The following FAM3D variants were observed in gnomAD, a reference collection of about 807,000 sequenced individuals.
FAM3D encodes the protein protein FAM3D.
FAM3D carries 26 observed loss-of-function variants against 29.8 expected under a neutral mutation model. That is an observed-to-expected ratio of 0.87 (90% CI 0.64 to 1.21). The LOEUF (loss-of-function observed/expected upper bound fraction) is 1.21, where lower values mean the gene tolerates loss of function less well. Among genes scored for constraint, FAM3D ranks in the 50% most tolerant of loss-of-function variants. The pLI, the probability that FAM3D is intolerant of heterozygous loss-of-function variation, is 0.00. For synonymous variants in FAM3D, 115 were observed against 102.3 expected (o/e 1.12, Z -0.75); for missense variants, 253 against 290.9 (o/e 0.87, Z 0.95).
chr3:58,639,981 A>C, intron 7 of FAM3D, 146 bp downstream of exon 7: 1 of 797,874 alleles, frequency 1.3e-6, no homozygotes, highest in Non-Finnish European at 2.1e-6. Flanking sequence ...GGACACCCTC[A>C]ACCCCCCACC....
At chr3:58,647,777 G>A (rs113236346) in intron 4 of FAM3D, among the ~76,000 whole-genome samples, 155 of 152,266 alleles carry the variant, frequency 1.0e-3, no homozygotes, top group African/African-American at 3.6e-3. Context: ...CAACCCCCCC[G>A]GGAACCCTTG....
intron 3 of FAM3D, 25 bp downstream of exon 3, chr3:58,653,649 G>T (rs1559505394): frequency 1.2e-6 from 2 of 1,603,266 alleles, no homozygotes; most frequent in African/African-American, 1.3e-5. Flanking sequence ...TGCAGTTCCT[G>T]CCCCCAGCAG....
intron 1 of FAM3D, among the ~76,000 whole-genome samples, chr3:58,663,042 G>T (rs2066962603): frequency 6.6e-6 from 1 of 152,202 alleles, no homozygotes; most frequent in Non-Finnish European, 1.5e-5. Context: ...GGGACTACAG[G>T]CATCCGCCCC....
rs1009501015 is a variant in FAM3D, at chr3:58,635,965, C to T, written c.585+329G>A. On this transcript the variant is annotated intron_variant, in intron 9 of 9. Transcript: ENST00000358781. The surrounding 1 kb of genome is among the most constrained non-coding windows in gnomAD (Gnocchi z 5.2). The stretch of plus-strand genomic sequence containing the variant: ...CTCCTTTCCCCGGGATCCCCTTCCC[C>T]GCCACACAGCTCCATGTCTCCATTT... Among the ~76,000 whole-genome samples, 51 of 152,232 alleles carry T rather than the reference C, an allele frequency of 3.4e-4. No individual in the cohort carries two copies. The highest frequency in any genetic ancestry group is 1.1e-3 in the African/African-American group (47 of 41,472).
At position 58,649,554 on chromosome 3, in the gene FAM3D, CACAT is replaced by C. The variant is rs1333108948; in HGVS notation, c.122-220_122-217del. ...ATACACATGTGTACACACACGCACA[CACAT>C]ATACACATGCACACACACACACATG... On this transcript the variant is annotated intron_variant, in intron 3 of 9. Coordinates refer to ENST00000358781, the MANE Select transcript of FAM3D (RefSeq NM_138805.3). 12 of 590,996 alleles carry C rather than the reference CACAT, an allele frequency of 2.0e-5. No homozygotes were observed. In the African/African-American group the frequency reaches 2.0e-4, roughly 10 times the overall value. The allele number at this position is 590,996 out of a possible 1,614,324, so 36.6% of individuals were successfully genotyped here. A position where few individuals can be genotyped will look rare whatever the true frequency, so the allele number is the denominator to read the frequency against.
In FAM3D at chr3:58,655,786, C is replaced by T. The variant is rs368758954; in HGVS notation, c.-38-185G>A. Among the ~76,000 whole-genome samples the T allele has an allele frequency of 2.0e-4, 30 of 152,354 alleles. No homozygotes were observed. The South Asian group carries it at 5.2e-3, about 26-fold the overall frequency. Reference sequence around the variant, plus strand: ...CCTGTCTGCCTCCATGTCTCCTTCACTCTTGCCCCTGGAGTTTTATATTCA... The same window carrying T: ...CCTGTCTGCCTCCATGTCTCCTTCATTCTTGCCCCTGGAGTTTTATATTCA... On this transcript the variant is annotated intron_variant, in intron 1 of 9. Transcript: ENST00000358781.
At chr3:58,649,448 G>A (rs755098964) in intron 3 of FAM3D, 110 bp from the exon 4 acceptor site, 24 of 1,340,200 alleles carry the variant, frequency 1.8e-5, no homozygotes, top group Admixed American at 4.0e-5. Context: ...TTAAATTGGC[G>A]CCATTGAAAT....
At chr3:58,644,106 G>T (rs374995034) in intron 5 of FAM3D, among the ~76,000 whole-genome samples, 1 of 152,172 alleles carries the variant, frequency 6.6e-6, no homozygotes, top group African/African-American at 2.4e-5. Context: ...CTGCTGGCCC[G>T]GCATCCACAC....
chr3:58,662,797 C>A (rs186537056), intron 1 of FAM3D, among the ~76,000 whole-genome samples: 5 of 152,338 alleles, frequency 3.3e-5, no homozygotes, highest in Admixed American at 2.6e-4. Flanking sequence ...AGGGGTGACT[C>A]TGTGGTCCTG....
chr3:58,664,304 G>A lies in FAM3D; in HGVS notation c.-39+2272C>T, dbSNP rs115204877. Reference sequence around the variant, plus strand: ...TGGGACTGCTGTTTGTACTGATTACGTAGAACTTGTTCACATCTCTTGTAC... The same window carrying A: ...TGGGACTGCTGTTTGTACTGATTACATAGAACTTGTTCACATCTCTTGTAC... On this transcript the variant is annotated intron_variant, in intron 1 of 9. Coordinates refer to ENST00000358781, the MANE Select transcript of FAM3D (RefSeq NM_138805.3). Among the ~76,000 whole-genome samples the A allele has an allele frequency of 3.7e-3, 571 of 152,312 alleles. 8 individuals carry two copies. Among genetic ancestry groups the A allele is most frequent in the African/African-American group, 0.013 (525 of 41,574 alleles).
intron 1 of FAM3D, among the ~76,000 whole-genome samples, chr3:58,663,354 C>T (rs2066968568): frequency 6.6e-6 from 1 of 152,222 alleles, no homozygotes; most frequent in African/African-American, 2.4e-5. Flanking sequence ...GGAGAAAAGG[C>T]TCCCAGAGAT....
chr3:58,652,823 A>G (rs1456001355), intron 3 of FAM3D, among the ~76,000 whole-genome samples: 1 of 150,996 alleles, frequency 6.6e-6, no homozygotes, highest in African/African-American at 2.4e-5. Flanking sequence ...CCACCCACTC[A>G]GCCATTCTTC....
Position 58,647,850 on chromosome 3 carries a change from G to C in FAM3D, c.145+1465C>G, listed in dbSNP as rs552164883. 7.9e-4 allele frequency among the ~76,000 whole-genome samples: 121 copies of C among 152,316 alleles called. 1 individual carries two copies. The highest frequency in any genetic ancestry group is 2.7e-3 in the Admixed American group (42 of 15,302). On this transcript the variant is annotated intron_variant, in intron 4 of 9. Coordinates refer to ENST00000358781, the MANE Select transcript of FAM3D (RefSeq NM_138805.3). ...GAGCACTGGGGCAGGGATTCATTCAGGAAATAGGCTGCTCTTTCATTAATC... is the reference window on the plus strand; with the variant it reads ...GAGCACTGGGGCAGGGATTCATTCACGAAATAGGCTGCTCTTTCATTAATC...
At position 58,634,103 on chromosome 3, in the gene FAM3D, T is replaced by A; in HGVS notation, c.*176A>T. On this transcript the variant is annotated 3_prime_UTR_variant, in exon 10 of 10. Transcript: ENST00000358781. This position sits in a 1 kb window ranked among gnomAD's most constrained non-coding sequence, Gnocchi z 4.6. ...TCTGAGGCTGGTCTTCCGGGTAGGATGTGCTGTGGGAGGGTTCTGTTTCCG... is the reference window on the plus strand; with the variant it reads ...TCTGAGGCTGGTCTTCCGGGTAGGAAGTGCTGTGGGAGGGTTCTGTTTCCG... 1 of 570,906 alleles carries A rather than the reference T, an allele frequency of 1.8e-6. No homozygotes were observed. 35.4% of individuals were successfully genotyped at this position (570,906 alleles called of 1,614,324 possible). A position where few individuals can be genotyped will look rare whatever the true frequency, so the allele number is the denominator to read the frequency against.
intron 1 of FAM3D, among the ~76,000 whole-genome samples, chr3:58,665,700 C>T (rs2067016590): frequency 6.6e-6 from 1 of 152,186 alleles, no homozygotes; most frequent in Non-Finnish European, 1.5e-5. Context: ...AGCTTTGCAG[C>T]CAGATTGCCT....
intron 1 of FAM3D, among the ~76,000 whole-genome samples, chr3:58,656,931 G>A (rs11708366): frequency 0.39 from 59,345 of 151,802 alleles, 12,638 homozygotes; most frequent in Middle Eastern, 0.51. Context: ...AACAGCAGCA[G>A]CAACTGCAAA....
At chr3:58,648,672 C>G (rs563418767) in intron 4 of FAM3D, among the ~76,000 whole-genome samples, 1 of 152,330 alleles carries the variant, frequency 6.6e-6, no homozygotes, top group East Asian at 1.9e-4. Flanking sequence ...TCACAGCTCT[C>G]CCTCCCCTTC....
intron 3 of FAM3D, among the ~76,000 whole-genome samples, chr3:58,649,933 C>A (rs1175977776): frequency 6.6e-6 from 1 of 152,242 alleles, no homozygotes; most frequent in East Asian, 1.9e-4. Flanking sequence ...GTGTGAGGGC[C>A]AAGCCCGGTG....
chr3:58,655,923 G>C (rs1379855266), intron 1 of FAM3D, among the ~76,000 whole-genome samples: 1 of 152,050 alleles, frequency 6.6e-6, no homozygotes, highest in Non-Finnish European at 1.5e-5. Flanking sequence ...CTATCCATTT[G>C]TTCATCCATC....
Sources: allele counts gnomAD v4.1 joint callset (sites outside exome capture counted in the v4.1 genomes callset), GRCh38; gene constraint gnomAD v4.1.1; non-coding constraint Gnocchi (gnomAD v3.1); transcripts MANE v1.5; gene names NCBI Gene and HGNC (gene_info 2026-07-23, HGNC 2026-07-21).